The following GCNT1 variants were observed in gnomAD, a reference collection of about 807,000 sequenced individuals.
The protein encoded by GCNT1 is beta-1,3-galactosyl-O-glycosyl-glycoprotein beta-1,6-N-acetylglucosaminyltransferase.
Under a neutral mutation model 26.2 loss-of-function variants are expected in GCNT1, and 16 were observed. The ratio of observed to expected loss-of-function variants is 0.61; its 90% CI spans 0.41 to 0.93. The LOEUF is 0.93. Ranked by LOEUF, GCNT1 falls within the 40% of genes least tolerant of loss-of-function variation. The probability of loss-of-function intolerance (pLI) is 0.00; values close to 1 mark genes in which losing one functional copy is unlikely to be tolerated. For missense variants in GCNT1, 477 were observed against 526.7 expected (o/e 0.91, Z 0.92); for synonymous variants, 183 against 190.8 (o/e 0.96, Z 0.34).
chr9:76,437,428 A>G (rs1332368310), upstream of GCNT1, among the ~76,000 whole-genome samples: 1 of 152,196 alleles, frequency 6.6e-6, no homozygotes, highest in Admixed American at 6.5e-5. Flanking sequence ...CACCAGCGCC[A>G]TGACAGTTTA....
the GCNT1 span, among the ~76,000 whole-genome samples, chr9:76,409,797 C>T: frequency 5.5e-4 from 84 of 152,070 alleles, no homozygotes; most frequent in South Asian, 8.5e-3. Flanking sequence ...CTTTTGCTTG[C>T]TTGGGATTTA....
intron 2 of GCNT1, among the ~76,000 whole-genome samples, chr9:76,463,537 T>G (rs544725162): frequency 5.9e-5 from 9 of 152,360 alleles, no homozygotes; most frequent in African/African-American, 2.2e-4. Flanking sequence ...TGCAATAATG[T>G]TACTAAGAAA....
intron 2 of GCNT1, among the ~76,000 whole-genome samples, chr9:76,482,160 C>T (rs751036965): frequency 2.6e-4 from 40 of 152,070 alleles, no homozygotes; most frequent in Non-Finnish European, 3.5e-4. Context: ...GCAAGATGTA[C>T]AGAAATGCAA....
the GCNT1 span, among the ~76,000 whole-genome samples, chr9:76,411,634 G>A: frequency 7.2e-6 from 1 of 139,790 alleles, no homozygotes; most frequent in East Asian, 2.1e-4. Flanking sequence ...CAGCCCATTT[G>A]TGATTTTACT....
the GCNT1 span, among the ~76,000 whole-genome samples, chr9:76,408,895 G>A: frequency 1.3e-5 from 2 of 152,162 alleles, no homozygotes; most frequent in South Asian, 2.1e-4. Flanking sequence ...CACCATGTTA[G>A]CCAGGCTGGT....
the GCNT1 span, among the ~76,000 whole-genome samples, chr9:76,408,787 A>C: frequency 6.6e-6 from 1 of 152,088 alleles, no homozygotes; most frequent in Admixed American, 6.6e-5. Context: ...TCCCAGGTTC[A>C]AGCAATTCTC....
At chr9:76,484,786 C>CTTTTT (rs33956720) in intron 2 of GCNT1, among the ~76,000 whole-genome samples, 7 of 126,204 alleles carry the variant, frequency 5.5e-5, no homozygotes, top group Non-Finnish European at 6.6e-5. Flanking sequence ...ACCATGATTG[C>CTTTTT]TTTTTTTTTT....
intron 2 of GCNT1, among the ~76,000 whole-genome samples, chr9:76,485,242 G>A (rs750746394): frequency 5.9e-5 from 9 of 151,768 alleles, no homozygotes; most frequent in South Asian, 2.1e-4. Context: ...GTGCTATCTC[G>A]GCTCACTTCA....
intron 1 of GCNT1, among the ~76,000 whole-genome samples, chr9:76,426,506 T>A (rs1018875228): frequency 1.3e-5 from 2 of 152,078 alleles, no homozygotes; most frequent in Admixed American, 6.6e-5. Context: ...AGGTCAAGGC[T>A]GCAGGGAGCT....
At chr9:76,486,216 T>C (rs1039603281) in intron 2 of GCNT1, among the ~76,000 whole-genome samples, 1 of 152,226 alleles carries the variant, frequency 6.6e-6, no homozygotes, top group Non-Finnish European at 1.5e-5. Flanking sequence ...GAAGATTCTA[T>C]GTGTTAATAC....
chr9:76,404,285 G>T, the GCNT1 span, among the ~76,000 whole-genome samples: 4 of 151,636 alleles, frequency 2.6e-5, no homozygotes, highest in Non-Finnish European at 5.9e-5. Context: ...TTTAATTTTA[G>T]AATTTTTTTT....
At chr9:76,398,059 C>G in the GCNT1 span, among the ~76,000 whole-genome samples, 1 of 152,162 alleles carries the variant, frequency 6.6e-6, no homozygotes, top group Non-Finnish European at 1.5e-5. Flanking sequence ...TTATTTCCCC[C>G]TCTGAACTGC....
chr9:76,492,045 T>A (rs1824754466), intron 2 of GCNT1, among the ~76,000 whole-genome samples: 1 of 152,208 alleles, frequency 6.6e-6, no homozygotes, highest in Non-Finnish European at 1.5e-5. Flanking sequence ...CTGTATCAAT[T>A]TCCTTACTTA....
chr9:76,407,447 G>C, the GCNT1 span, among the ~76,000 whole-genome samples: 1 of 151,940 alleles, frequency 6.6e-6, no homozygotes, highest in African/African-American at 2.4e-5. Context: ...CTGCCTCTCT[G>C]TTCTGTTCTA....
chr9:76,485,568 C>T (rs917555225), intron 2 of GCNT1, among the ~76,000 whole-genome samples: 4 of 152,140 alleles, frequency 2.6e-5, no homozygotes, highest in African/African-American at 9.7e-5. Flanking sequence ...CAGGGGTTCT[C>T]TGTTTCTCTC....
rs376803663 is a variant in GCNT1, at chr9:76,422,259, C to T, written n.38+2372C>T. 2.6e-5 allele frequency among the ~76,000 whole-genome samples: 4 copies of T among 152,078 alleles called. No individual in the cohort carries two copies. The South Asian group carries it at 8.3e-4, about 32-fold the overall frequency. On this transcript the variant is annotated intron_variant and non_coding_transcript_variant, in intron 1 of 3. Transcript: ENST00000488136. ...AATATGAGTGGGAACACAGCCACAC[C>T]ATATCAGCCATGTTGCCCAAGATGG...
upstream of GCNT1, among the ~76,000 whole-genome samples, chr9:76,458,797 G>T (rs554531914): frequency 3.9e-4 from 60 of 152,198 alleles, 1 homozygote; most frequent in South Asian, 0.012. Flanking sequence ...ACACCTACAT[G>T]GTTATCTCTA....
rs1447625170 is a variant in GCNT1 at position 76,505,028 on chromosome 9, T to G, written c.*1360T>G. 3 of 412,832 alleles carry G rather than the reference T, an allele frequency of 7.3e-6. No homozygotes were observed. Among genetic ancestry groups the G allele is most frequent in the African/African-American group, 2.1e-5 (1 of 48,626 alleles). The allele number at this position is 412,832 out of a possible 1,614,324, so 25.6% of individuals were successfully genotyped here. A position where few individuals can be genotyped will look rare whatever the true frequency, so the allele number is the denominator to read the frequency against. On this transcript the variant is annotated 3_prime_UTR_variant, in exon 4 of 4. Transcript: ENST00000376730. ...ATGCTGTCACACATCTCAAAGTACA[T>G]TCAAATCTTAAAAAGAAATTCTCGT...
chr9:76,446,393 G>A lies in GCNT1; in HGVS notation c.-290+4078G>A, dbSNP rs79154994. 1.9e-4 allele frequency among the ~76,000 whole-genome samples: 29 copies of A among 152,212 alleles called. No homozygotes were observed. The East Asian group carries it at 5.0e-3, about 26-fold the overall frequency. On this transcript the variant is annotated intron_variant, in intron 1 of 2. Transcript: ENST00000442371. ...GGAAAAGACGGCTGCCAAAACTCCC[G>A]CTCCATGCAATCTTCTTAGAGTTTA...
Sources: allele counts gnomAD v4.1 joint callset (sites outside exome capture counted in the v4.1 genomes callset), GRCh38; gene constraint gnomAD v4.1.1; transcripts MANE v1.5; gene names NCBI Gene and HGNC (gene_info 2026-07-23, HGNC 2026-07-21).